UTY: variants seen among roughly 807,000 people sequenced by gnomAD.
UTY encodes the protein histone demethylase UTY.
In UTY, 12 loss-of-function variants were observed where a neutral mutation model predicts 32.5. The ratio of observed to expected loss-of-function variants is 0.37; its 90% CI spans 0.24 to 0.60. The LOEUF (loss-of-function observed/expected upper bound fraction) is 0.60. Among genes scored for constraint, UTY ranks in the 20% least tolerant of loss-of-function variants. The pLI, the probability that UTY is intolerant of heterozygous loss-of-function variation, is 0.69. For missense variants in UTY, 303 were observed against 299.2 expected, an observed-to-expected ratio of 1.01 and a Z score of -0.09; for synonymous variants, 131 against 103.4, an observed-to-expected ratio of 1.27 and a Z score of -1.62.
At chrY:13,374,151 C>T (rs747311488) in intron 8 of UTY, among the ~76,000 whole-genome samples, 1 of 33,454 alleles carries the variant, frequency 3.0e-5, no homozygotes, top group African/African-American at 1.2e-4. Flanking sequence ...CCTGCCTCAG[C>T]CTCCTGAGTA....
intron 4 of UTY, among the ~76,000 whole-genome samples, chrY:13,429,026 A>G: frequency 2.9e-5 from 1 of 34,406 alleles, no homozygotes; most frequent in Non-Finnish European, 7.3e-5. Context: ...TTAATTCTGT[A>G]TCCTGCAACT....
intron 16 of UTY, 91 bp from the exon 17 acceptor site, chrY:13,355,489 A>G: frequency 3.0e-6 from 1 of 328,190 alleles, no homozygotes; most frequent in Non-Finnish European, 4.3e-6. Context: ...ATGTCTCTAA[A>G]AAAACATATA....
intron 27 of UTY, among the ~76,000 whole-genome samples, chrY:13,282,592 T>G (rs2057082986): frequency 2.9e-5 from 1 of 33,938 alleles, no homozygotes; most frequent in African/African-American, 1.2e-4. Context: ...CCTTGCTTGC[T>G]CAAATCTATC....
intron 17 of UTY, among the ~76,000 whole-genome samples, chrY:13,348,825 T>C: frequency 8.9e-5 from 3 of 33,728 alleles, no homozygotes. Context: ...TGGTAAGTTA[T>C]CCAGGGTTAA....
At chrY:13,463,335 T>C in intron 3 of UTY, among the ~76,000 whole-genome samples, 1 of 33,217 alleles carries the variant, frequency 3.0e-5, no homozygotes, top group East Asian at 7.8e-4. Context: ...TACATATGCA[T>C]GTGTCTTTAC....
chrY:13,474,263 T>C (rs1041884609), intron 2 of UTY, among the ~76,000 whole-genome samples: 2 of 32,136 alleles, frequency 6.2e-5, no homozygotes, highest in African/African-American at 1.2e-4. Context: ...AAAACAAAGA[T>C]AGTTTTATAA....
intron 27 of UTY, among the ~76,000 whole-genome samples, chrY:13,294,921 A>G: frequency 3.1e-5 from 1 of 32,179 alleles, no homozygotes; most frequent in Non-Finnish European, 7.6e-5. Context: ...TCAGCCAGGC[A>G]TGGTCGTGGG....
intron 8 of UTY, among the ~76,000 whole-genome samples, chrY:13,391,257 A>T: frequency 8.9e-5 from 3 of 33,649 alleles, no homozygotes; most frequent in African/African-American, 2.3e-4. Context: ...TCACTGAATA[A>T]TTTTTTATAT....
chrY:13,379,932 ATGTG>A (rs2065845601), intron 8 of UTY, among the ~76,000 whole-genome samples: 1 of 18,906 alleles, frequency 5.3e-5, no homozygotes, highest in Non-Finnish European at 1.2e-4. Context: ...GTGTGTATGT[ATGTG>A]TATTTATATA....
intron 4 of UTY, among the ~76,000 whole-genome samples, chrY:13,423,253 T>C (rs753791732): frequency 6.0e-5 from 2 of 33,239 alleles, no homozygotes; most frequent in Non-Finnish European, 1.5e-4. Context: ...TCCACAACAC[T>C]GCCAGAAACC....
At chrY:13,434,345 C>G in intron 4 of UTY, among the ~76,000 whole-genome samples, 2 of 33,426 alleles carry the variant, frequency 6.0e-5, no homozygotes, top group Non-Finnish European at 1.5e-4. Flanking sequence ...GGGACTCAGG[C>G]ACGCACCACC....
intron 7 of UTY, among the ~76,000 whole-genome samples, chrY:13,395,659 AACACACAC>A (rs113496156): frequency 2.7e-4 from 6 of 22,097 alleles, no homozygotes; most frequent in Middle Eastern, 0.019. Flanking sequence ...ACAAAATTAA[AACACACAC>A]ACACACACAC....
intron 21 of UTY, among the ~76,000 whole-genome samples, chrY:13,307,128 T>C (rs2058738967): frequency 3.0e-5 from 1 of 32,963 alleles, no homozygotes. Context: ...GATTATAGTA[T>C]CATATTTAGT....
At chrY:13,361,752 T>TA (rs2063565086) in intron 10 of UTY, among the ~76,000 whole-genome samples, 1 of 33,697 alleles carries the variant, frequency 3.0e-5, no homozygotes. Flanking sequence ...TAAGCTAACT[T>TA]AAAGTCAGAG....
At chrY:13,321,233 ATT>A (rs2059808108) in intron 21 of UTY, among the ~76,000 whole-genome samples, 1 of 33,480 alleles carries the variant, frequency 3.0e-5, no homozygotes. Flanking sequence ...TTAATGGGAA[ATT>A]GGAGAAAGAA....
intron 27 of UTY, among the ~76,000 whole-genome samples, chrY:13,279,297 C>T (rs2056864037): frequency 3.0e-5 from 1 of 33,212 alleles, no homozygotes; most frequent in African/African-American, 1.2e-4. Flanking sequence ...TGCCTGGGCT[C>T]GAGTGCAATG....
chrY:13,318,193 GTAA>G lies in UTY; in HGVS notation c.3276+5359_3276+5361del, dbSNP rs565680061. ...AATAATAATAATAATAGTAATAATAGTAATAATAATAATAATAATAATAATAAT... is the reference window on the plus strand; with the variant it reads ...AATAATAATAATAATAGTAATAATAGTAATAATAATAATAATAATAATAAT... On this transcript the variant is annotated intron_variant, in intron 21 of 29. Transcript: ENST00000545955. 0.01 allele frequency among the ~76,000 whole-genome samples: 253 copies of G among 24,779 alleles called. No individual in the cohort carries two copies. In the South Asian group the frequency reaches 0.12, roughly 12 times the overall value. The allele number at this position is 24,779 out of a possible 37,273, so 66.5% of individuals were successfully genotyped here.
intron 17 of UTY, among the ~76,000 whole-genome samples, chrY:13,346,639 G>C (rs2061917487): frequency 3.0e-5 from 1 of 33,323 alleles, no homozygotes; most frequent in Non-Finnish European, 7.4e-5. Flanking sequence ...GGAAAATACT[G>C]CATCACCCAT....
intron 8 of UTY, chrY:13,393,005 C>T: frequency 6.0e-5 from 2 of 33,327 alleles, no homozygotes; most frequent in African/African-American, 1.2e-4. Context: ...CATGCCACTA[C>T]ACTTGGCTAA....
Sources: gnomAD v4.1 joint callset for allele counts (sites outside exome capture counted in the v4.1 genomes callset) on GRCh38, gnomAD v4.1.1 for gene constraint, MANE v1.5 for transcripts, NCBI Gene and HGNC (gene_info 2026-07-23, HGNC 2026-07-21) for gene names.